Variants in MOB1B observed in about 807,000 individuals in gnomAD.
MOB1B encodes the protein MOB1 Mps One Binder homolog B.
In MOB1B, 19 loss-of-function variants were observed where a neutral mutation model predicts 24.4. That is an observed-to-expected ratio of 0.78 (90% CI 0.54 to 1.14). The LOEUF (loss-of-function observed/expected upper bound fraction) is 1.14. MOB1B is among the 50% of genes most tolerant of loss of function. The pLI, the probability that MOB1B is intolerant of heterozygous loss-of-function variation, is 0.00. For synonymous variants in MOB1B, 76 were observed against 82.1 expected (o/e 0.93, Z 0.40); for missense variants, 243 against 259.6 (o/e 0.94, Z 0.44).
chr4:70,982,064 G>A lies in MOB1B; in HGVS notation c.*7G>A, dbSNP rs1739232371. ...CACCTCAAAAGACAGATAAAAGGAT[G>A]CAGAGCTGTGCAAATTGTTCCTCAA... On this transcript the variant is annotated 3_prime_UTR_variant, in exon 6 of 6. Transcript: ENST00000309395. The A allele has an allele frequency of 6.3e-7, 1 of 1,594,418 alleles. No homozygotes were observed. The highest frequency in any genetic ancestry group is 8.6e-7 in the Non-Finnish European group (1 of 1,163,038).
At chr4:70,902,903 A>G (rs1383084164) in intron 1 of MOB1B, among the ~76,000 whole-genome samples, 2 of 152,172 alleles carry the variant, frequency 1.3e-5, no homozygotes, top group South Asian at 2.1e-4. Context: ...ACTCGCCTGC[A>G]CAATCCGTAT....
At chr4:70,958,589 A>C (rs1738166730) in intron 1 of MOB1B, 2 of 457,806 alleles carry the variant, frequency 4.4e-6, no homozygotes, top group Non-Finnish European at 8.4e-6. Flanking sequence ...TTAGAATAGG[A>C]GTGAAAGGAA....
intron 3 of MOB1B, among the ~76,000 whole-genome samples, chr4:70,971,528 T>C (rs1738754538): frequency 6.6e-6 from 1 of 151,764 alleles, no homozygotes; most frequent in Non-Finnish European, 1.5e-5. Context: ...AAAAAGTAAT[T>C]TAAAGACATA....
intron 1 of MOB1B, among the ~76,000 whole-genome samples, chr4:70,913,395 C>G (rs1736075267): frequency 6.6e-6 from 1 of 152,046 alleles, no homozygotes; most frequent in Non-Finnish European, 1.5e-5. Flanking sequence ...CTCCCAGGCT[C>G]AAGCAATCCT....
At chr4:70,939,938 C>T (rs1178602509) in intron 1 of MOB1B, among the ~76,000 whole-genome samples, 1 of 152,156 alleles carries the variant, frequency 6.6e-6, no homozygotes, top group Non-Finnish European at 1.5e-5. Flanking sequence ...GATGATTTTC[C>T]CCTGGAGTCT....
intron 4 of MOB1B, 86 bp from the exon 5 acceptor site, chr4:70,979,042 G>A (rs1739103774): frequency 9.4e-7 from 1 of 1,063,404 alleles, no homozygotes; most frequent in Admixed American, 2.1e-5. Flanking sequence ...GCCTTGTCTT[G>A]GTAATTTATG....
intron 1 of MOB1B, among the ~76,000 whole-genome samples, chr4:70,946,558 T>C (rs1420862802): frequency 6.6e-6 from 1 of 152,206 alleles, no homozygotes; most frequent in Non-Finnish European, 1.5e-5. Flanking sequence ...AGAAAGGGTA[T>C]TTTATTTATA....
chr4:70,922,324 T>G (rs1358870488), intron 1 of MOB1B, among the ~76,000 whole-genome samples: 1 of 152,208 alleles, frequency 6.6e-6, no homozygotes, highest in Non-Finnish European at 1.5e-5. Context: ...CACAAAAAGT[T>G]TACCTAAAAC....
Position 70,985,510 on chromosome 4 carries a change from A to T in MOB1B, c.*3453A>T, listed in dbSNP as rs1007832396. Reference sequence around the variant, plus strand: ...TGGCAGCTTAATATGACCTTTTTAAATTTTTTTTATTTTTTTTATTTTTAT... The same window carrying T: ...TGGCAGCTTAATATGACCTTTTTAATTTTTTTTTATTTTTTTTATTTTTAT... On this transcript the variant is annotated 3_prime_UTR_variant, in exon 6 of 6. Transcript: ENST00000309395. 2.4e-4 allele frequency: 37 copies of T among 151,702 alleles called. No homozygotes were observed. Among genetic ancestry groups the T allele is most frequent in the African/African-American group, 8.2e-4 (34 of 41,304 alleles). The allele number at this position is 151,702 out of a possible 1,614,324, so 9.4% of individuals were successfully genotyped here.
At chr4:70,981,324 A>G (rs1021935702) in intron 5 of MOB1B, among the ~76,000 whole-genome samples, 8 of 152,226 alleles carry the variant, frequency 5.3e-5, no homozygotes, top group Non-Finnish European at 8.8e-5. Flanking sequence ...AGAAGTGTAG[A>G]CAAGCCTCTA....
chr4:70,913,274 A>G (rs578033366), intron 1 of MOB1B, among the ~76,000 whole-genome samples: 1 of 151,774 alleles, frequency 6.6e-6, no homozygotes, highest in African/African-American at 2.4e-5. Flanking sequence ...GTATGTATGT[A>G]TGTATGTATG....
chr4:70,931,919 G>A (rs140647458), intron 1 of MOB1B, among the ~76,000 whole-genome samples: 2 of 152,050 alleles, frequency 1.3e-5, no homozygotes, highest in African/African-American at 4.8e-5. Flanking sequence ...TTGTTCAGAC[G>A]TGGTCTTACT....
chr4:70,952,525 C>A (rs897708511), intron 1 of MOB1B, among the ~76,000 whole-genome samples: 1 of 151,450 alleles, frequency 6.6e-6, no homozygotes, highest in Admixed American at 6.6e-5. Context: ...TGCCTGTAGA[C>A]CCAGCTACTT....
intron 1 of MOB1B, among the ~76,000 whole-genome samples, chr4:70,915,514 C>T: frequency 6.6e-6 from 1 of 152,124 alleles, no homozygotes; most frequent in East Asian, 1.9e-4. Context: ...CTAGAGGATT[C>T]CATTAGTTAC....
intron 1 of MOB1B, chr4:70,942,897 A>C (rs1737408489): frequency 1.3e-6 from 1 of 761,564 alleles, no homozygotes; most frequent in Admixed American, 6.2e-5. Flanking sequence ...GCAAAGAAAA[A>C]ATTATTATAT....
chr4:70,937,257 T>C (rs1578368529), intron 1 of MOB1B, among the ~76,000 whole-genome samples: 1 of 151,946 alleles, frequency 6.6e-6, no homozygotes, highest in East Asian at 1.9e-4. Context: ...TCTGATCTTT[T>C]ATATGGGACT....
In MOB1B at chr4:70,934,603, G is replaced by A. The variant is rs956104491; in HGVS notation, c.15-24271G>A. Among the ~76,000 whole-genome samples, 4 of 151,316 alleles carry A rather than the reference G, an allele frequency of 2.6e-5. No homozygotes were observed. The South Asian group carries it at 8.4e-4, about 32-fold the overall frequency. On this transcript the variant is annotated intron_variant, in intron 1 of 5. Coordinates refer to ENST00000309395, the MANE Select transcript of MOB1B (RefSeq NM_173468.4). Reference sequence around the variant, plus strand: ...CGAGTAGCTGGGATTACAGGCGACTGCCACCATGCTTGGCTAATTTTTTTG... The same window carrying A: ...CGAGTAGCTGGGATTACAGGCGACTACCACCATGCTTGGCTAATTTTTTTG...
At chr4:70,970,057 T>C in intron 3 of MOB1B, 33 bp downstream of exon 3, 1 of 1,228,020 alleles carries the variant, frequency 8.1e-7, no homozygotes, top group Non-Finnish European at 1.2e-6. Flanking sequence ...TTTCTTATTT[T>C]TACATTATTT....
At chr4:70,934,442 G>A (rs1005319053) in intron 1 of MOB1B, among the ~76,000 whole-genome samples, 2 of 151,440 alleles carry the variant, frequency 1.3e-5, no homozygotes, top group Non-Finnish European at 2.9e-5. Flanking sequence ...GTTGAGCCAA[G>A]TACTGGAATA....
Sources: allele counts gnomAD v4.1 joint callset (sites outside exome capture counted in the v4.1 genomes callset), GRCh38; gene constraint gnomAD v4.1.1; transcripts MANE v1.5; gene names NCBI Gene and HGNC (gene_info 2026-07-23, HGNC 2026-07-21).